The following PPM1H variants were observed in gnomAD, a reference collection of about 807,000 sequenced individuals.
PPM1H encodes the protein protein phosphatase, Mg2+/Mn2+ dependent 1H.
PPM1H carries 27 observed loss-of-function variants against 54.9 expected under a neutral mutation model. The observed-to-expected ratio is 0.49, with a 90% CI of 0.36 to 0.68. The LOEUF (loss-of-function observed/expected upper bound fraction) is 0.68, where lower values mean the gene tolerates loss of function less well. Ranked by LOEUF, PPM1H falls within the 30% of genes least tolerant of loss-of-function variation. The probability of loss-of-function intolerance (pLI) is 0.00; values close to 1 mark genes in which losing one functional copy is unlikely to be tolerated. For missense variants in PPM1H, 596 were observed against 667.8 expected (o/e 0.89, Z 1.19); for synonymous variants, 305 against 270.8 (o/e 1.13, Z -1.24).
chr12:62,834,685 C>G (rs1272380981), intron 1 of PPM1H, among the ~76,000 whole-genome samples: 2 of 152,210 alleles, frequency 1.3e-5, no homozygotes, highest in African/African-American at 2.4e-5. Flanking sequence ...CCTAGAGAAG[C>G]TCATGCTATC....
chr12:62,657,811 G>GTGTT (rs2075853564), intron 9 of PPM1H, among the ~76,000 whole-genome samples: 1 of 152,118 alleles, frequency 6.6e-6, no homozygotes, highest in African/African-American at 2.4e-5. Context: ...GTCAGTGTTG[G>GTGTT]TGTTTTACTA....
chr12:62,842,893 G>A (rs1341553210), intron 1 of PPM1H, among the ~76,000 whole-genome samples: 8 of 152,190 alleles, frequency 5.3e-5, no homozygotes, highest in Non-Finnish European at 1.0e-4. Flanking sequence ...TCCTGGATCC[G>A]CAAGTAGGTA....
intron 2 of PPM1H, among the ~76,000 whole-genome samples, chr12:62,803,055 T>A (rs2076781165): frequency 6.6e-6 from 1 of 152,202 alleles, no homozygotes; most frequent in African/African-American, 2.4e-5. Context: ...TTGGTCTACA[T>A]CCTGAATTTT....
chr12:62,845,150 A>G (rs760759893), intron 1 of PPM1H, among the ~76,000 whole-genome samples: 11 of 152,262 alleles, frequency 7.2e-5, no homozygotes, highest in Non-Finnish European at 1.6e-4. Flanking sequence ...AAAGGAGGGA[A>G]ATTCCAAAGG....
rs568305435 is a variant in PPM1H at position 62,709,792 on chromosome 12, C to T, written c.1073+10379G>A. ...TTGTTCAATAAATTTCCAGAAAGGCCGGGCGTGGTGGCTCACGACTGTAAT... is the reference window on the plus strand; with the variant it reads ...TTGTTCAATAAATTTCCAGAAAGGCTGGGCGTGGTGGCTCACGACTGTAAT... On this transcript the variant is annotated intron_variant, in intron 6 of 9. Coordinates refer to ENST00000228705, the MANE Select transcript of PPM1H (RefSeq NM_020700.2). 5.3e-5 allele frequency among the ~76,000 whole-genome samples: 8 copies of T among 152,274 alleles called. No homozygotes were observed. The South Asian group carries it at 1.0e-3, about 20-fold the overall frequency.
intron 6 of PPM1H, among the ~76,000 whole-genome samples, chr12:62,696,876 G>C (rs865775709): frequency 5.3e-5 from 8 of 152,174 alleles, no homozygotes; most frequent in Admixed American, 2.0e-4. Context: ...ACAAAGAAAT[G>C]TGATATCAGG....
At chr12:62,743,408 G>T (rs555401712) in intron 4 of PPM1H, among the ~76,000 whole-genome samples, 1 of 150,584 alleles carries the variant, frequency 6.6e-6, no homozygotes, top group African/African-American at 2.4e-5. Flanking sequence ...CTACATGAGA[G>T]GATAAAGGTA....
intron 2 of PPM1H, among the ~76,000 whole-genome samples, chr12:62,812,782 C>T (rs1411005483): frequency 1.3e-5 from 2 of 148,846 alleles, no homozygotes; most frequent in Admixed American, 6.8e-5. Context: ...ATCTAGTATG[C>T]CAGAACTTAA....
chr12:62,924,389 C>T (rs545110573), intron 1 of PPM1H, among the ~76,000 whole-genome samples: 48 of 152,308 alleles, frequency 3.2e-4, no homozygotes, highest in African/African-American at 1.1e-3. Flanking sequence ...TTCAGTGCTG[C>T]CACTGGTCTT....
chr12:62,882,217 T>C (rs1437497497), intron 1 of PPM1H, among the ~76,000 whole-genome samples: 1 of 152,248 alleles, frequency 6.6e-6, no homozygotes, highest in Non-Finnish European at 1.5e-5. Context: ...TAAGCATCTA[T>C]ACACTATGTG....
chr12:62,669,621 C>G (rs952662517), intron 8 of PPM1H, among the ~76,000 whole-genome samples: 1 of 152,162 alleles, frequency 6.6e-6, no homozygotes, highest in Admixed American at 6.5e-5. Flanking sequence ...CCCTGGGCTC[C>G]TAGCTTCAAG....
chr12:62,878,207 C>G (rs181334180), intron 1 of PPM1H, among the ~76,000 whole-genome samples: 1 of 152,250 alleles, frequency 6.6e-6, no homozygotes, highest in African/African-American at 2.4e-5. Context: ...CTGAAGCCCT[C>G]TATTTTAATG....
intron 4 of PPM1H, among the ~76,000 whole-genome samples, chr12:62,759,494 A>G (rs2076494373): frequency 6.6e-6 from 1 of 152,208 alleles, no homozygotes; most frequent in Non-Finnish European, 1.5e-5. Context: ...CAAAGGAGAC[A>G]CATTTTATCC....
chr12:62,832,000 A>T, intron 2 of PPM1H, 114 bp downstream of exon 2: 1 of 1,275,072 alleles, frequency 7.8e-7, no homozygotes, highest in South Asian at 1.4e-5. Context: ...AACTCTGGGG[A>T]CACTGCTTTC....
At chr12:62,868,833 C>G (rs938643594) in intron 1 of PPM1H, among the ~76,000 whole-genome samples, 6 of 152,222 alleles carry the variant, frequency 3.9e-5, no homozygotes, top group African/African-American at 1.4e-4. Context: ...CTAACACCCT[C>G]AATCTCCAAT....
chr12:62,688,025 A>G (rs1047981015), intron 8 of PPM1H, among the ~76,000 whole-genome samples: 1 of 151,312 alleles, frequency 6.6e-6, no homozygotes, highest in African/African-American at 2.4e-5. Context: ...AAAAAAAAAA[A>G]GAAACAAAAA....
intron 6 of PPM1H, among the ~76,000 whole-genome samples, chr12:62,715,448 G>T (rs534784831): frequency 6.6e-6 from 1 of 152,138 alleles, no homozygotes; most frequent in African/African-American, 2.4e-5. Flanking sequence ...GAGGAGAGGG[G>T]GAAGGGGAGG....
intron 1 of PPM1H, among the ~76,000 whole-genome samples, chr12:62,928,594 G>A (rs916443576): frequency 2.0e-5 from 3 of 152,134 alleles, no homozygotes; most frequent in African/African-American, 7.2e-5. Context: ...CCAAACTTGA[G>A]TCAGGCCTCT....
intron 2 of PPM1H, among the ~76,000 whole-genome samples, chr12:62,824,756 T>C (rs1027411927): frequency 6.6e-6 from 1 of 152,142 alleles, no homozygotes; most frequent in African/African-American, 2.4e-5. Context: ...TAATTGAAGA[T>C]GGATTAAAGA....
Sources: gnomAD v4.1 joint callset for allele counts (sites outside exome capture counted in the v4.1 genomes callset) on GRCh38, gnomAD v4.1.1 for gene constraint, MANE v1.5 for transcripts, NCBI Gene and HGNC (gene_info 2026-07-23, HGNC 2026-07-21) for gene names.